Variants in SOX5 observed in about 807,000 individuals in gnomAD.
The protein encoded by SOX5 is SRY-box transcription factor 5.
A neutral mutation model predicts 92.0 loss-of-function variants in SOX5; 9 were observed. The observed-to-expected ratio is 0.10, with a 90% CI of 0.06 to 0.17. SOX5 has a LOEUF of 0.17. Ranked by LOEUF, SOX5 falls within the 10% of genes least tolerant of loss-of-function variation. The pLI is 1.00. For missense variants in SOX5, 642 were observed against 944.5 expected (o/e 0.68, Z 4.20); for synonymous variants, 344 against 336.3 (o/e 1.02, Z -0.25).
At chr12:24,454,084 T>C (rs1260660497) in intron 1 of SOX5, among the ~76,000 whole-genome samples, 1 of 152,196 alleles carries the variant, frequency 6.6e-6, no homozygotes, top group Admixed American at 6.5e-5. Context: ...TCTAGAGCTA[T>C]ATTCTTTGTT....
At chr12:24,406,494 C>A (rs188462207) in intron 1 of SOX5, among the ~76,000 whole-genome samples, 8 of 152,258 alleles carry the variant, frequency 5.3e-5, no homozygotes, top group African/African-American at 1.9e-4. Context: ...TGTGCCCCAA[C>A]CCCTGAGAGT....
chr12:23,646,142 G>A (rs970799671), intron 7 of SOX5, among the ~76,000 whole-genome samples: 11 of 152,120 alleles, frequency 7.2e-5, no homozygotes, highest in African/African-American at 2.4e-4. Context: ...GCTGTTGAAG[G>A]TTAGGGTAGC....
At chr12:24,209,740 C>T (rs1203548632) in intron 4 of SOX5, among the ~76,000 whole-genome samples, 1 of 152,038 alleles carries the variant, frequency 6.6e-6, no homozygotes, top group Non-Finnish European at 1.5e-5. Context: ...TCCTTCCGGC[C>T]GGGCGCGGTG....
At chr12:24,320,321 T>G (rs936462080) in intron 2 of SOX5, among the ~76,000 whole-genome samples, 1 of 152,214 alleles carries the variant, frequency 6.6e-6, no homozygotes, top group Non-Finnish European at 1.5e-5. Context: ...CAAGTTTTCC[T>G]TTATAGGTCT....
chr12:24,508,026 C>A (rs941407111), intron 1 of SOX5, among the ~76,000 whole-genome samples: 2 of 152,102 alleles, frequency 1.3e-5, no homozygotes, highest in Admixed American at 1.3e-4. Context: ...CATCGGAGTG[C>A]AGCCTGAGGG....
At chr12:24,098,514 C>T (rs1010949415) in intron 4 of SOX5, among the ~76,000 whole-genome samples, 6 of 152,092 alleles carry the variant, frequency 3.9e-5, no homozygotes, top group African/African-American at 1.4e-4. Flanking sequence ...ATAGGACTTA[C>T]TAACAGGACA....
chr12:24,129,534 T>A lies in SOX5; in HGVS notation c.-2+83809A>T, dbSNP rs115058561. On this transcript the variant is annotated intron_variant, in intron 4 of 4. Transcript: ENST00000446891. Reference sequence around the variant, plus strand: ...AATTGTGCAGGGATGGATGGGCATATACCCAAATGAGGTCTTCTCTGGATA... The same window carrying A: ...AATTGTGCAGGGATGGATGGGCATAAACCCAAATGAGGTCTTCTCTGGATA... Among the ~76,000 whole-genome samples the A allele has an allele frequency of 7.6e-3, 1,151 of 152,286 alleles. 11 individuals carry two copies. Among genetic ancestry groups the A allele is most frequent in the African/African-American group, 0.026 (1,088 of 41,548 alleles).
At chr12:24,554,268 C>T (rs946562625) in intron 1 of SOX5, among the ~76,000 whole-genome samples, 1 of 152,172 alleles carries the variant, frequency 6.6e-6, no homozygotes, top group Admixed American at 6.5e-5. Flanking sequence ...GAGCCAGCAA[C>T]TATGGAAGGT....
At chr12:24,392,317 T>C (rs950660) in intron 1 of SOX5, among the ~76,000 whole-genome samples, 124,315 of 152,114 alleles carry the variant, frequency 0.82, 51,049 homozygotes, top group East Asian at 0.99. Flanking sequence ...CGACTTACAA[T>C]GGGCTTCCCA....
chr12:23,645,551 T>C (rs1349687055), intron 7 of SOX5, among the ~76,000 whole-genome samples: 1 of 152,206 alleles, frequency 6.6e-6, no homozygotes, highest in Non-Finnish European at 1.5e-5. Context: ...TAAATTTGTT[T>C]AACTCCTAAA....
chr12:23,965,036 T>C (rs1038262440), intron 4 of SOX5, among the ~76,000 whole-genome samples: 6 of 152,028 alleles, frequency 3.9e-5, no homozygotes, highest in Admixed American at 1.3e-4. Flanking sequence ...AGGGGGCGCG[T>C]GGTCAGCTCC....
At chr12:23,697,776 C>T (rs1567051591) in intron 6 of SOX5, among the ~76,000 whole-genome samples, 1 of 152,164 alleles carries the variant, frequency 6.6e-6, no homozygotes, top group Non-Finnish European at 1.5e-5. Context: ...GCCTTGAACT[C>T]CTGACCTCAA....
In SOX5 at chr12:23,568,098, TCAC is replaced by T. The variant is rs568229265; in HGVS notation, c.1343-4698_1343-4696del. 1.2e-4 allele frequency among the ~76,000 whole-genome samples: 19 copies of T among 152,314 alleles called. 1 individual carries two copies. Among genetic ancestry groups the T allele is most frequent in the Admixed American group, 7.2e-4 (11 of 15,294 alleles). ...TGTAATTAAGGATCTCAAGGTGAGA[TCAC>T]CCTGAAATTAGGCTGGGCCATAAAT... On this transcript the variant is annotated intron_variant, in intron 10 of 14. Coordinates refer to ENST00000451604, the MANE Select transcript of SOX5 (RefSeq NM_006940.6).
intron 4 of SOX5, among the ~76,000 whole-genome samples, chr12:24,082,307 C>T (rs1943436066): frequency 6.9e-6 from 1 of 145,808 alleles, no homozygotes; most frequent in African/African-American, 2.5e-5. Flanking sequence ...CCCACAAGCA[C>T]TATTTAGTTT....
chr12:24,353,475 G>A (rs1362246647), intron 2 of SOX5, among the ~76,000 whole-genome samples: 1 of 152,166 alleles, frequency 6.6e-6, no homozygotes, highest in African/African-American at 2.4e-5. Context: ...TTTGAAGCTA[G>A]GAGTTCAGAT....
chr12:23,976,792 C>T (rs943875248), intron 4 of SOX5, among the ~76,000 whole-genome samples: 3 of 151,698 alleles, frequency 2.0e-5, no homozygotes, highest in Non-Finnish European at 2.9e-5. Flanking sequence ...TGGAAACTCG[C>T]GACTTGTTTT....
chr12:24,531,220 A>G (rs1303167849), intron 1 of SOX5, among the ~76,000 whole-genome samples: 1 of 151,794 alleles, frequency 6.6e-6, no homozygotes, highest in Non-Finnish European at 1.5e-5. Context: ...ATTAAGCAGG[A>G]AAAAAAAATC....
intron 1 of SOX5, among the ~76,000 whole-genome samples, chr12:24,559,729 T>C (rs1257021876): frequency 6.6e-6 from 1 of 152,196 alleles, no homozygotes; most frequent in East Asian, 1.9e-4. Flanking sequence ...TACCTGAGTA[T>C]AAACTTCACT....
In SOX5 at chr12:24,424,807, T is replaced by TGGGG. The variant is rs139281287; in HGVS notation, c.-250-56169_-250-56168insCCCC. Among the ~76,000 whole-genome samples, 97 of 131,160 alleles carry TGGGG rather than the reference T, an allele frequency of 7.4e-4. 2 individuals carry two copies. The highest frequency in any genetic ancestry group is 2.0e-3 in the African/African-American group (70 of 34,570). 86.0% of individuals were successfully genotyped at this position (131,160 alleles called of 152,430 possible). A position where few individuals can be genotyped will look rare whatever the true frequency, so the allele number is the denominator to read the frequency against. On this transcript the variant is annotated intron_variant, in intron 1 of 4. Transcript: ENST00000446891. ...GCTCTTTTCTTTGTGAGTTTTTTTT[T>TGGGG]TGGGGGGGGGGGATGGCTGTTTTTC...
Sources: allele counts gnomAD v4.1 joint callset (sites outside exome capture counted in the v4.1 genomes callset), GRCh38; gene constraint gnomAD v4.1.1; transcripts MANE v1.5; gene names NCBI Gene and HGNC (gene_info 2026-07-23, HGNC 2026-07-21).